TAFA5: variants seen among roughly 807,000 people sequenced by gnomAD.
TAFA5 encodes TAFA chemokine like family member 5, also known as chemokine-like protein TAFA-5.
TAFA5 carries 6 observed loss-of-function variants against 15.3 expected under a neutral mutation model. That is an observed-to-expected ratio of 0.39 (90% CI 0.21 to 0.77). TAFA5 has a LOEUF of 0.77. TAFA5 is among the 30% of genes least tolerant of loss of function. The pLI is 0.41. For missense variants in TAFA5, 161 were observed against 193.1 expected, an observed-to-expected ratio of 0.83 and a Z score of 0.98; for synonymous variants, 103 against 80.7, an observed-to-expected ratio of 1.28 and a Z score of -1.48.
chr22:48,611,220 G>A (rs1055029634), intron 1 of TAFA5, among the ~76,000 whole-genome samples: 2 of 152,276 alleles, frequency 1.3e-5, no homozygotes, highest in African/African-American at 4.8e-5. Flanking sequence ...CAGGCGTGAG[G>A]CACCGCACTC....
chr22:48,676,360 A>G lies in TAFA5; in HGVS notation c.262+29614A>G, dbSNP rs137917693. On this transcript the variant is annotated intron_variant, in intron 2 of 3. Coordinates refer to ENST00000402357, the MANE Select transcript of TAFA5 (RefSeq NM_001082967.3). ...GAGGGTGGACGTTGTCCCGGGAGAA[A>G]GGGGCCAGCAGACATGCCTCTTAGG... 2.3e-3 allele frequency among the ~76,000 whole-genome samples: 346 copies of G among 152,304 alleles called. 2 individuals carry two copies. Among genetic ancestry groups the G allele is most frequent in the African/African-American group, 8.1e-3 (335 of 41,584 alleles).
chr22:48,557,519 C>T (rs1197523700), intron 1 of TAFA5, among the ~76,000 whole-genome samples: 2 of 152,206 alleles, frequency 1.3e-5, no homozygotes, highest in East Asian at 1.9e-4. Context: ...CCCTAGGACA[C>T]CAGTCCCAGG....
At chr22:48,570,212 A>G (rs917957704) in intron 1 of TAFA5, among the ~76,000 whole-genome samples, 2 of 152,216 alleles carry the variant, frequency 1.3e-5, no homozygotes, top group Non-Finnish European at 2.9e-5. Flanking sequence ...CACAGGTATG[A>G]TCATGCCCGC....
chr22:48,654,227 AGAGGAG>A (rs916498726), intron 2 of TAFA5, among the ~76,000 whole-genome samples: 10 of 151,854 alleles, frequency 6.6e-5, no homozygotes, highest in East Asian at 1.9e-4. Context: ...AGGAGAGCCA[AGAGGAG>A]GAGGAGGAGG....
chr22:48,602,873 A>G (rs1925026196), intron 1 of TAFA5, among the ~76,000 whole-genome samples: 1 of 152,188 alleles, frequency 6.6e-6, no homozygotes, highest in African/African-American at 2.4e-5. Context: ...ACATGGGGCC[A>G]TTGAGACGTG....
Position 48,518,665 on chromosome 22 carries a change from G to A in TAFA5, c.112+28961G>A, listed in dbSNP as rs182306781. Among the ~76,000 whole-genome samples the A allele has an allele frequency of 4.0e-4, 61 of 152,292 alleles. 1 individual carries two copies. The East Asian group carries it at 7.6e-3, about 19-fold the overall frequency. The stretch of plus-strand genomic sequence containing the variant: ...GGGTGCTCAGCAGGGAGGGCTGACC[G>A]AGGGGAGCCCTGAGAGACCCCTGAC... On this transcript the variant is annotated intron_variant, in intron 1 of 3. Coordinates refer to ENST00000402357, the MANE Select transcript of TAFA5 (RefSeq NM_001082967.3).
chr22:48,549,675 G>T (rs1922794104), intron 1 of TAFA5, among the ~76,000 whole-genome samples: 1 of 152,176 alleles, frequency 6.6e-6, no homozygotes, highest in African/African-American at 2.4e-5. Context: ...TGATGGTGTG[G>T]CAGGGCCAGG....
chr22:48,565,907 T>A (rs1923391570), intron 1 of TAFA5, among the ~76,000 whole-genome samples: 1 of 151,690 alleles, frequency 6.6e-6, no homozygotes. Flanking sequence ...GATAGATAGA[T>A]GAATTGATAG....
intron 2 of TAFA5, among the ~76,000 whole-genome samples, chr22:48,703,877 A>G (rs1259618347): frequency 1.3e-5 from 2 of 152,214 alleles, no homozygotes; most frequent in South Asian, 2.1e-4. Context: ...CCTGTGCTGC[A>G]GAGAGTGCCA....
intron 1 of TAFA5, among the ~76,000 whole-genome samples, chr22:48,504,626 G>A (rs2147097786): frequency 6.6e-6 from 1 of 152,344 alleles, no homozygotes; most frequent in South Asian, 2.1e-4. Context: ...GTGTGCTGAG[G>A]CCTGGAGAGG....
Position 48,560,060 on chromosome 22 carries a change from A to T in TAFA5, c.112+70356A>T, listed in dbSNP as rs1283735266. Among the ~76,000 whole-genome samples, 1 of 152,160 alleles carries T rather than the reference A, an allele frequency of 6.6e-6. No individual in the cohort carries two copies. The highest frequency in any genetic ancestry group is 1.5e-5 in the Non-Finnish European group (1 of 68,018). On this transcript the variant is annotated intron_variant, in intron 1 of 3. Coordinates refer to ENST00000402357, the MANE Select transcript of TAFA5 (RefSeq NM_001082967.3). This position sits in a 1 kb window ranked among gnomAD's most constrained non-coding sequence, Gnocchi z 4.2. ...ATGCACACGCCGGCCATCCTCCATCAGGCAGCTGCCCTGGCCACCGATGCC... is the reference window on the plus strand; with the variant it reads ...ATGCACACGCCGGCCATCCTCCATCTGGCAGCTGCCCTGGCCACCGATGCC...
chr22:48,718,673 T>C (rs1217331710), intron 3 of TAFA5, among the ~76,000 whole-genome samples: 1 of 152,038 alleles, frequency 6.6e-6, no homozygotes, highest in Non-Finnish European at 1.5e-5. Context: ...CAGCCAGGCT[T>C]CCCCCGGCCC....
intron 3 of TAFA5, among the ~76,000 whole-genome samples, chr22:48,710,949 T>A (rs993662697): frequency 2.6e-5 from 4 of 152,158 alleles, no homozygotes; most frequent in Admixed American, 1.3e-4. Context: ...TTGATTCTGC[T>A]TGTTCTGCTC....
intron 2 of TAFA5, among the ~76,000 whole-genome samples, chr22:48,682,341 G>A (rs1205969796): frequency 6.6e-6 from 1 of 152,226 alleles, no homozygotes; most frequent in African/African-American, 2.4e-5. Context: ...CCACACCCAA[G>A]GGGCTGCAGA....
chr22:48,704,651 G>A (rs886882966), intron 2 of TAFA5, among the ~76,000 whole-genome samples: 1 of 151,896 alleles, frequency 6.6e-6, no homozygotes, highest in Non-Finnish European at 1.5e-5. Context: ...TGCCATGTTA[G>A]TGGCAAGGAG....
At chr22:48,622,713 G>A (rs982905393) in intron 1 of TAFA5, among the ~76,000 whole-genome samples, 10 of 152,242 alleles carry the variant, frequency 6.6e-5, no homozygotes, top group Non-Finnish European at 8.8e-5. Context: ...GAGGATTCCC[G>A]GAGGAGGTGG....
intron 2 of TAFA5, among the ~76,000 whole-genome samples, chr22:48,706,368 G>A (rs1192208357): frequency 3.3e-5 from 5 of 152,214 alleles, no homozygotes; most frequent in Admixed American, 6.5e-5. Flanking sequence ...GTGAGTGGGC[G>A]AGGAAGGGGA....
At chr22:48,561,198 CT>C (rs1923218192) in intron 1 of TAFA5, among the ~76,000 whole-genome samples, 1 of 152,316 alleles carries the variant, frequency 6.6e-6, no homozygotes, top group Non-Finnish European at 1.5e-5. Flanking sequence ...CGGATCCACT[CT>C]GCTCTGTGGC....
intron 2 of TAFA5, among the ~76,000 whole-genome samples, chr22:48,690,900 C>A (rs1928520136): frequency 2.0e-5 from 3 of 152,156 alleles, no homozygotes; most frequent in South Asian, 4.1e-4. Flanking sequence ...AGCTGCCTGT[C>A]GTGGAGGGAG....
Sources: allele counts gnomAD v4.1 joint callset (sites outside exome capture counted in the v4.1 genomes callset), GRCh38; gene constraint gnomAD v4.1.1; non-coding constraint Gnocchi (gnomAD v3.1); transcripts MANE v1.5; gene names NCBI Gene and HGNC (gene_info 2026-07-23, HGNC 2026-07-21).